Variants in TLL2 observed in about 807,000 individuals in gnomAD.
The protein encoded by TLL2 is tolloid-like protein 2.
Under a neutral mutation model 123.0 loss-of-function variants are expected in TLL2, and 106 were observed. The observed-to-expected ratio is 0.86, with a 90% CI of 0.74 to 1.01. TLL2 has a LOEUF of 1.01. Ranked by LOEUF, TLL2 falls within the 50% of genes least tolerant of loss-of-function variation. The pLI, the probability that TLL2 is intolerant of heterozygous loss-of-function variation, is 0.00. For missense variants in TLL2, 1,332 were observed against 1,336.7 expected (o/e 1.00, Z 0.06); for synonymous variants, 494 against 516.8 (o/e 0.96, Z 0.60).
intron 1 of TLL2, among the ~76,000 whole-genome samples, chr10:96,503,380 T>A (rs4917740): frequency 6.6e-6 from 1 of 152,120 alleles, no homozygotes; most frequent in Admixed American, 6.5e-5. Flanking sequence ...CAAGATTATA[T>A]GATGGGTTTC....
intron 1 of TLL2, among the ~76,000 whole-genome samples, chr10:96,504,032 C>A (rs971751336): frequency 2.6e-5 from 4 of 152,170 alleles, no homozygotes; most frequent in Non-Finnish European, 4.4e-5. Context: ...CCCAGGCTCT[C>A]CCCTATGCAA....
chr10:96,468,098 C>A (rs1284375534), intron 2 of TLL2, among the ~76,000 whole-genome samples: 1 of 152,192 alleles, frequency 6.6e-6, no homozygotes, highest in East Asian at 1.9e-4. Flanking sequence ...CGCCCATCAC[C>A]TCCCCAAACC....
intron 8 of TLL2, 24 bp downstream of exon 8, chr10:96,413,168 G>T: frequency 6.2e-7 from 1 of 1,612,704 alleles, no homozygotes; most frequent in Non-Finnish European, 8.5e-7. Flanking sequence ...GGAGGTGCTG[G>T]CAGTCCCCAC....
At chr10:96,462,883 A>C (rs1847093845) in intron 2 of TLL2, among the ~76,000 whole-genome samples, 1 of 152,200 alleles carries the variant, frequency 6.6e-6, no homozygotes, top group South Asian at 2.1e-4. Flanking sequence ...AAAAGCACAA[A>C]AATGCTTAAA....
intron 2 of TLL2, among the ~76,000 whole-genome samples, chr10:96,447,214 C>T (rs907163747): frequency 1.3e-5 from 2 of 152,162 alleles, no homozygotes; most frequent in East Asian, 1.9e-4. Flanking sequence ...GAGGGACAGC[C>T]GCAGTGGGCA....
intron 10 of TLL2, among the ~76,000 whole-genome samples, chr10:96,401,863 A>G (rs1846400808): frequency 1.3e-5 from 2 of 152,210 alleles, no homozygotes; most frequent in Admixed American, 1.3e-4. Flanking sequence ...AGATTTAGCA[A>G]ACAAAACTCA....
intron 19 of TLL2, among the ~76,000 whole-genome samples, chr10:96,371,095 G>A (rs1846078845): frequency 6.6e-6 from 1 of 152,174 alleles, no homozygotes; most frequent in Non-Finnish European, 1.5e-5. Context: ...GCCGAGACGG[G>A]TGGATCACTT....
Position 96,403,851 on chromosome 10 carries a change from G to A in TLL2, c.1267+1381C>T, listed in dbSNP as rs372152560. ...GAGATAGGAGAAAAACTGCCCTGTG[G>A]TGGGAGGCAAGATATGTTTGCAGCA... On this transcript the variant is annotated intron_variant, in intron 10 of 20. Transcript: ENST00000357947. 2.2e-4 allele frequency among the ~76,000 whole-genome samples: 33 copies of A among 152,216 alleles called. 1 individual carries two copies. In the East Asian group the frequency reaches 2.7e-3, roughly 12 times the overall value.
chr10:96,499,603 T>C (rs1847511790), intron 1 of TLL2, among the ~76,000 whole-genome samples: 1 of 152,190 alleles, frequency 6.6e-6, no homozygotes, highest in African/African-American at 2.4e-5. Context: ...AACATCTCTA[T>C]GGGAAAGTCA....
intron 3 of TLL2, among the ~76,000 whole-genome samples, chr10:96,440,842 A>C (rs919069855): frequency 6.6e-6 from 1 of 152,228 alleles, no homozygotes; most frequent in South Asian, 2.1e-4. Context: ...GATTAAAAAT[A>C]TGTCTAAACA....
rs1161985239 is a variant in TLL2 at position 96,365,163 on chromosome 10, G to A, written c.*2925C>T. The A allele has an allele frequency of 6.6e-6, 1 of 152,182 alleles. No homozygotes were observed. The highest frequency in any genetic ancestry group is 1.5e-5 in the Non-Finnish European group (1 of 68,040). 9.4% of individuals were successfully genotyped at this position (152,182 alleles called of 1,614,324 possible). ...TGTTTTTTAAAAAGTTTACGAATTT[G>A]TGTCGGGCCATATTCAAAGCCGTCC... On this transcript the variant is annotated 3_prime_UTR_variant, in exon 21 of 21. Coordinates refer to ENST00000357947, the MANE Select transcript of TLL2 (RefSeq NM_012465.4).
Position 96,405,255 on chromosome 10 carries a change from T to C in TLL2, c.1244A>G (p.Tyr415Cys). 1.9e-6 allele frequency: 3 copies of C among 1,614,152 alleles called. No individual in the cohort carries two copies. Among genetic ancestry groups the C allele is most frequent in the Non-Finnish European group, 2.5e-6 (3 of 1,180,016 alleles). The change falls in exon 10 of 21, where the codon TAC (tyrosine) becomes TGC (cysteine). Residue 415 changes from tyrosine (Y) to cysteine (C), a missense_variant. Transcript: ENST00000357947. ...ACCCAAAAGGGGGGCTTTTCTCCAG[T>C]AACCATCCCGGACCTCCACGTAATC... The part of the protein sequence containing the change: ...WYDYVEVRDG[Y>C]WRKAPLLGRF...
intron 1 of TLL2, among the ~76,000 whole-genome samples, chr10:96,491,260 T>C (rs1038491570): frequency 6.6e-6 from 1 of 151,824 alleles, no homozygotes; most frequent in Non-Finnish European, 1.5e-5. Flanking sequence ...CGGGCATCTG[T>C]AATCCTGGCT....
chr10:96,500,711 G>A (rs1384734480), intron 1 of TLL2, among the ~76,000 whole-genome samples: 3 of 150,954 alleles, frequency 2.0e-5, no homozygotes, highest in Non-Finnish European at 4.4e-5. Context: ...ACCTGAGCCC[G>A]GGAGGCGGAG....
intron 1 of TLL2, among the ~76,000 whole-genome samples, chr10:96,491,685 G>A (rs181335067): frequency 2.4e-4 from 37 of 152,292 alleles, no homozygotes; most frequent in African/African-American, 8.2e-4. Flanking sequence ...TTAAAGACAC[G>A]CTTTCTAATG....
intron 1 of TLL2, among the ~76,000 whole-genome samples, chr10:96,493,569 C>T (rs997902921): frequency 1.3e-5 from 2 of 151,954 alleles, no homozygotes; most frequent in Non-Finnish European, 2.9e-5. Flanking sequence ...GGACAGGAGG[C>T]CAGGGGATCT....
At chr10:96,466,422 A>G (rs1345369477) in intron 2 of TLL2, among the ~76,000 whole-genome samples, 1 of 152,200 alleles carries the variant, frequency 6.6e-6, no homozygotes, top group East Asian at 1.9e-4. Flanking sequence ...TCCGGCAGAA[A>G]TGCAGCTTTG....
At chr10:96,395,146 C>A in intron 13 of TLL2, 41 bp downstream of exon 13, 1 of 1,552,616 alleles carries the variant, frequency 6.4e-7, no homozygotes, top group Non-Finnish European at 8.7e-7. Context: ...AGCAATATTT[C>A]TTCTTGTGCC....
intron 13 of TLL2, among the ~76,000 whole-genome samples, chr10:96,393,444 T>G (rs1030944071): frequency 6.6e-6 from 1 of 152,250 alleles, no homozygotes; most frequent in East Asian, 1.9e-4. Flanking sequence ...TGCAATCACC[T>G]GGCAGCATTG....
Sources: gnomAD v4.1 joint callset for allele counts (sites outside exome capture counted in the v4.1 genomes callset) on GRCh38, gnomAD v4.1.1 for gene constraint, MANE v1.5 for transcripts, NCBI Gene and HGNC (gene_info 2026-07-23, HGNC 2026-07-21) for gene names.